The following CNTN5 variants were observed in gnomAD, a reference collection of about 807,000 sequenced individuals.
CNTN5 encodes contactin 5.
A neutral mutation model predicts 129.1 loss-of-function variants in CNTN5; 77 were observed. The observed-to-expected ratio is 0.60, with a 90% CI of 0.50 to 0.72. The LOEUF (loss-of-function observed/expected upper bound fraction) is 0.72, where lower values mean the gene tolerates loss of function less well. CNTN5 is among the 30% of genes least tolerant of loss of function. The pLI is 0.00. For synonymous variants in CNTN5, 509 were observed against 465.6 expected, an observed-to-expected ratio of 1.09 and a Z score of -1.20; for missense variants, 1,478 against 1,328.8, an observed-to-expected ratio of 1.11 and a Z score of -1.75.
chr11:99,737,118 C>G lies in CNTN5; in HGVS notation c.56-82426C>G, dbSNP rs554791289. On this transcript the variant is annotated intron_variant, in intron 3 of 24. Coordinates refer to ENST00000524871, the MANE Select transcript of CNTN5 (RefSeq NM_014361.4). Reference sequence around the variant, plus strand: ...AAAGGGAAAAAACTCTTTAACCACCCTGTAACACACATGCACACACACACA... The same window carrying G: ...AAAGGGAAAAAACTCTTTAACCACCGTGTAACACACATGCACACACACACA... Among the ~76,000 whole-genome samples the G allele has an allele frequency of 1.2e-3, 186 of 151,574 alleles. 1 individual carries two copies. Among genetic ancestry groups the G allele is most frequent in the African/African-American group, 4.2e-3 (174 of 41,098 alleles).
At chr11:99,278,433 G>T (rs1169146509) in intron 1 of CNTN5, among the ~76,000 whole-genome samples, 2 of 151,490 alleles carry the variant, frequency 1.3e-5, no homozygotes, top group African/African-American at 4.8e-5. Context: ...TAAAAAATAA[G>T]ATAATTTAGA....
At chr11:99,356,432 A>G (rs1268211571) in intron 2 of CNTN5, among the ~76,000 whole-genome samples, 1 of 152,238 alleles carries the variant, frequency 6.6e-6, no homozygotes, top group East Asian at 1.9e-4. Context: ...TTTATACAGT[A>G]TGTACAGGAT....
chr11:99,834,599 A>G (rs1297403221), intron 4 of CNTN5, among the ~76,000 whole-genome samples: 7 of 152,176 alleles, frequency 4.6e-5, no homozygotes, highest in Non-Finnish European at 1.0e-4. Context: ...TAAAAGAATT[A>G]CCCGTAGGTA....
chr11:100,036,327 A>G (rs1445270350), intron 9 of CNTN5, among the ~76,000 whole-genome samples: 3 of 151,780 alleles, frequency 2.0e-5, no homozygotes, highest in African/African-American at 4.8e-5. Context: ...ATTGGTCTAT[A>G]TCTCTGTTTT....
intron 8 of CNTN5, among the ~76,000 whole-genome samples, chr11:99,970,179 A>G (rs1463046960): frequency 6.6e-6 from 1 of 152,114 alleles, no homozygotes; most frequent in Non-Finnish European, 1.5e-5. Flanking sequence ...CCTTTACCTG[A>G]CACCCATATC....
chr11:99,776,428 A>G (rs988751305), intron 3 of CNTN5, among the ~76,000 whole-genome samples: 1 of 151,948 alleles, frequency 6.6e-6, no homozygotes, highest in Non-Finnish European at 1.5e-5. Flanking sequence ...TTGCTTTCCT[A>G]TCATTATCAA....
intron 3 of CNTN5, among the ~76,000 whole-genome samples, chr11:99,567,462 T>C (rs1011453631): frequency 6.6e-6 from 1 of 152,128 alleles, no homozygotes; most frequent in Non-Finnish European, 1.5e-5. Context: ...AAGATGATGA[T>C]GTACTGTTGA....
chr11:99,742,481 A>G (rs1343480902), intron 3 of CNTN5, among the ~76,000 whole-genome samples: 1 of 152,186 alleles, frequency 6.6e-6, no homozygotes, highest in Non-Finnish European at 1.5e-5. Context: ...TGACAGCTTT[A>G]AGTGGGATTG....
chr11:99,874,588 A>G (rs1374891523), intron 6 of CNTN5, among the ~76,000 whole-genome samples: 3 of 152,192 alleles, frequency 2.0e-5, no homozygotes, highest in African/African-American at 7.2e-5. Flanking sequence ...ATTCTAATCT[A>G]TCATTTATCT....
At chr11:99,454,889 A>G (rs566322811) in intron 2 of CNTN5, among the ~76,000 whole-genome samples, 1 of 152,164 alleles carries the variant, frequency 6.6e-6, no homozygotes, top group Non-Finnish European at 1.5e-5. Flanking sequence ...GAAATCTAGT[A>G]GCCTCCCAGC....
At chr11:99,410,586 G>GAA (rs2135006225) in intron 2 of CNTN5, among the ~76,000 whole-genome samples, 1 of 151,720 alleles carries the variant, frequency 6.6e-6, no homozygotes, top group South Asian at 2.1e-4. Context: ...GAGAGAGAGA[G>GAA]AAATAGCTAA....
chr11:99,702,383 A>T (rs550323433), intron 3 of CNTN5, among the ~76,000 whole-genome samples: 1 of 150,866 alleles, frequency 6.6e-6, no homozygotes, highest in African/African-American at 2.4e-5. Flanking sequence ...CCCATTTTCA[A>T]CCTATTGGCA....
chr11:100,003,258 T>C (rs950057115), intron 9 of CNTN5, among the ~76,000 whole-genome samples: 3 of 152,080 alleles, frequency 2.0e-5, no homozygotes, highest in Non-Finnish European at 4.4e-5. Flanking sequence ...TAGAAATAAA[T>C]TTCAAAATGT....
intron 3 of CNTN5, among the ~76,000 whole-genome samples, chr11:99,810,587 ACT>A (rs1388832369): frequency 6.6e-6 from 1 of 152,064 alleles, no homozygotes; most frequent in Non-Finnish European, 1.5e-5. Flanking sequence ...GCTATTTCAA[ACT>A]CTCATATGCC....
At chr11:99,698,276 T>G (rs1367810685) in intron 3 of CNTN5, among the ~76,000 whole-genome samples, 4 of 32,458 alleles carry the variant, frequency 1.2e-4, no homozygotes, top group African/African-American at 5.1e-4. Flanking sequence ...AACAGAAAAA[T>G]AAAGATAAGA....
chr11:99,149,227 A>C (rs563317220), intron 1 of CNTN5, among the ~76,000 whole-genome samples: 12 of 152,122 alleles, frequency 7.9e-5, no homozygotes, highest in Non-Finnish European at 1.5e-4. Context: ...TGGGGTTACA[A>C]ATCTTGTGTG....
intron 4 of CNTN5, among the ~76,000 whole-genome samples, chr11:99,840,213 C>T (rs896502452): frequency 2.6e-5 from 4 of 151,946 alleles, no homozygotes; most frequent in Non-Finnish European, 4.4e-5. Context: ...TAGTAGTGAA[C>T]GTGTAATTTG....
intron 3 of CNTN5, among the ~76,000 whole-genome samples, chr11:99,629,772 T>G (rs1951272312): frequency 6.6e-6 from 1 of 151,914 alleles, no homozygotes; most frequent in South Asian, 2.1e-4. Flanking sequence ...CTCAATTCAT[T>G]TCTTAGCATT....
chr11:99,282,820 C>A (rs1863759136), intron 1 of CNTN5, among the ~76,000 whole-genome samples: 1 of 152,038 alleles, frequency 6.6e-6, no homozygotes, highest in Non-Finnish European at 1.5e-5. Flanking sequence ...GGTATTCCTT[C>A]AGCTCACAGT....
Sources: gnomAD v4.1 joint callset for allele counts (sites outside exome capture counted in the v4.1 genomes callset) on GRCh38, gnomAD v4.1.1 for gene constraint, MANE v1.5 for transcripts, NCBI Gene and HGNC (gene_info 2026-07-23, HGNC 2026-07-21) for gene names.